The following RAB27B variants were observed in gnomAD, a reference collection of about 807,000 sequenced individuals.
RAB27B encodes RAB27B, member RAS oncogene family.
In RAB27B, 15 loss-of-function variants were observed where a neutral mutation model predicts 24.6. The ratio of observed to expected loss-of-function variants is 0.61; its 90% confidence interval spans 0.41 to 0.94. The LOEUF is 0.94. Ranked by LOEUF, RAB27B falls within the 40% of genes least tolerant of loss-of-function variation. The pLI, the probability that RAB27B is intolerant of heterozygous loss-of-function variation, is 0.00. For missense variants in RAB27B, 261 were observed against 266.8 expected, an observed-to-expected ratio of 0.98 and a Z score of 0.15; for synonymous variants, 105 against 92.5, an observed-to-expected ratio of 1.14 and a Z score of -0.78.
chr18:54,745,104 C>T (rs562462376), intron 2 of RAB27B: 47 of 166,882 alleles, frequency 2.8e-4, no homozygotes, highest in South Asian at 6.7e-4. Context: ...CCAGGAGCTG[C>T]GTCTGCTGGT....
intron 1 of RAB27B, 115 bp from the exon 2 acceptor site, chr18:54,877,452 G>A: frequency 1.3e-6 from 1 of 753,482 alleles, no homozygotes. Context: ...AAATATGGCA[G>A]AATAGAGGTA....
chr18:54,744,109 A>G (rs1301176662), intron 2 of RAB27B, among the ~76,000 whole-genome samples: 1 of 152,186 alleles, frequency 6.6e-6, no homozygotes, highest in Non-Finnish European at 1.5e-5. Context: ...TAAATGTTAT[A>G]TGAAGAAGAT....
chr18:54,846,412 A>G (rs1430461868), intron 1 of RAB27B, among the ~76,000 whole-genome samples: 1 of 152,256 alleles, frequency 6.6e-6, no homozygotes, highest in African/African-American at 2.4e-5. Flanking sequence ...AACTTTATAG[A>G]ATGTATAACT....
chr18:54,756,796 A>G (rs1908018645), intron 2 of RAB27B, among the ~76,000 whole-genome samples: 1 of 152,226 alleles, frequency 6.6e-6, no homozygotes, highest in Non-Finnish European at 1.5e-5. Context: ...TACTAAGGTC[A>G]GTTGAGAAAC....
rs577722860 is a variant in RAB27B, at chr18:54,818,798, G to A, written c.-19-58769G>A. ...GTAGAGAAATGCAAGAAAATGAGAAGTTCTTATTAATTGTATCTTTATCCT... is the reference window on the plus strand; with the variant it reads ...GTAGAGAAATGCAAGAAAATGAGAAATTCTTATTAATTGTATCTTTATCCT... On this transcript the variant is annotated intron_variant, in intron 2 of 4. Coordinates refer to the RAB27B transcript ENST00000586570. Among the ~76,000 whole-genome samples the A allele has an allele frequency of 1.1e-3, 173 of 152,090 alleles. 2 individuals carry two copies. Among genetic ancestry groups the A allele is most frequent in the Non-Finnish European group, 2.2e-3 (150 of 68,010 alleles).
chr18:54,723,167 G>T (rs563091657), intron 2 of RAB27B, among the ~76,000 whole-genome samples: 1 of 152,188 alleles, frequency 6.6e-6, no homozygotes, highest in African/African-American at 2.4e-5. Flanking sequence ...AAGAGCAAAG[G>T]CTCTTGCTGG....
rs147438854 is a variant in RAB27B, at chr18:54,793,039, T to G, written c.-20+74898T>G. ...TAATCTGCATTTGGTTGAAAAAAAA[T>G]CTGCATTTAAATTGACCCATGCAGT... On this transcript the variant is annotated intron_variant, in intron 2 of 4. Transcript: ENST00000586570. 4.6e-3 allele frequency among the ~76,000 whole-genome samples: 694 copies of G among 152,212 alleles called. 9 individuals are homozygous for G. Among genetic ancestry groups the G allele is most frequent in the African/African-American group, 0.014 (597 of 41,544 alleles).
chr18:54,787,070 G>A (rs903264861), intron 2 of RAB27B, among the ~76,000 whole-genome samples: 1 of 152,156 alleles, frequency 6.6e-6, no homozygotes, highest in Non-Finnish European at 1.5e-5. Context: ...AGTGAAGCTC[G>A]GAAACCTCCC....
intron 2 of RAB27B, 64 bp from the exon 3 acceptor site, chr18:54,879,305 C>T: frequency 8.1e-7 from 1 of 1,229,250 alleles, no homozygotes; most frequent in Non-Finnish European, 1.2e-6. Context: ...CTGAGTGAAC[C>T]CAAAGAATTT....
chr18:54,776,784 C>T (rs571857354), intron 2 of RAB27B, among the ~76,000 whole-genome samples: 35 of 152,200 alleles, frequency 2.3e-4, no homozygotes, highest in Non-Finnish European at 4.6e-4. Context: ...TCGGGCCTGG[C>T]ATGGTCAGGC....
At chr18:54,738,209 A>C (rs908252361) in intron 2 of RAB27B, among the ~76,000 whole-genome samples, 1 of 152,204 alleles carries the variant, frequency 6.6e-6, no homozygotes, top group Admixed American at 6.5e-5. Context: ...GCCTTTGAAT[A>C]CATTGCTTAC....
At chr18:54,844,386 C>A (rs561375166) in intron 1 of RAB27B, among the ~76,000 whole-genome samples, 1 of 141,306 alleles carries the variant, frequency 7.1e-6, no homozygotes, top group Admixed American at 7.5e-5. Flanking sequence ...TTCTTTCTTT[C>A]TTTCTTTCTT....
intron 2 of RAB27B, among the ~76,000 whole-genome samples, chr18:54,778,985 G>T (rs895455388): frequency 1.3e-5 from 2 of 151,910 alleles, no homozygotes; most frequent in African/African-American, 4.8e-5. Context: ...GACTACAGGT[G>T]CGCACCACCA....
chr18:54,866,780 A>C (rs1912245678), intron 1 of RAB27B, among the ~76,000 whole-genome samples: 1 of 152,162 alleles, frequency 6.6e-6, no homozygotes, highest in African/African-American at 2.4e-5. Flanking sequence ...ACTGGGAGCC[A>C]AACCATTTTT....
chr18:54,792,790 C>G (rs1469052373), intron 2 of RAB27B, among the ~76,000 whole-genome samples: 1 of 152,076 alleles, frequency 6.6e-6, no homozygotes, highest in African/African-American at 2.4e-5. Context: ...AAATTTCTAA[C>G]AAAAAGGTAT....
intron 1 of RAB27B, among the ~76,000 whole-genome samples, chr18:54,846,048 G>A (rs1196469277): frequency 2.6e-5 from 4 of 152,058 alleles, no homozygotes; most frequent in Non-Finnish European, 5.9e-5. Context: ...TTTATTTAAT[G>A]TTTTTCACAT....
At chr18:54,726,554 C>T (rs1909543785) in intron 2 of RAB27B, among the ~76,000 whole-genome samples, 1 of 151,394 alleles carries the variant, frequency 6.6e-6, no homozygotes, top group Admixed American at 6.6e-5. Flanking sequence ...AAAAAAAGCC[C>T]TGTTAGGAAG....
intron 1 of RAB27B, among the ~76,000 whole-genome samples, chr18:54,851,944 T>G (rs1222902760): frequency 6.6e-6 from 1 of 152,246 alleles, no homozygotes; most frequent in Non-Finnish European, 1.5e-5. Context: ...AAATCAGTTC[T>G]TAAATTGTAA....
At chr18:54,810,365 G>A (rs967825682) in intron 2 of RAB27B, among the ~76,000 whole-genome samples, 1 of 152,042 alleles carries the variant, frequency 6.6e-6, no homozygotes, top group African/African-American at 2.4e-5. Flanking sequence ...TATGTGTCAG[G>A]TATGCAACCC....
Sources: gnomAD v4.1 joint callset for allele counts (sites outside exome capture counted in the v4.1 genomes callset) on GRCh38, gnomAD v4.1.1 for gene constraint, MANE v1.5 for transcripts, NCBI Gene and HGNC (gene_info 2026-07-23, HGNC 2026-07-21) for gene names.